The following R3HDM2 variants were observed in gnomAD, a reference collection of about 807,000 sequenced individuals.
R3HDM2 encodes R3H domain containing 2, also known as R3H domain-containing protein 2.
A neutral mutation model predicts 124.5 loss-of-function variants in R3HDM2; 38 were observed. The observed-to-expected ratio is 0.31, with a 90% CI of 0.24 to 0.40. R3HDM2 has a LOEUF of 0.40. Among genes scored for constraint, R3HDM2 ranks in the 10% least tolerant of loss-of-function variants. The pLI is 1.00. For missense variants in R3HDM2, 869 were observed against 1,236.9 expected, an observed-to-expected ratio of 0.70 and a Z score of 4.46; for synonymous variants, 391 against 448.0, an observed-to-expected ratio of 0.87 and a Z score of 1.61.
chr12:57,330,689 C>CCTT (rs1566189883), intron 2 of R3HDM2, among the ~76,000 whole-genome samples: 2 of 117,252 alleles, frequency 1.7e-5, no homozygotes, highest in Admixed American at 1.1e-4. Flanking sequence ...ATCTTTAGGG[C>CCTT]TTTTCTTTTT....
At chr12:57,357,349 C>A (rs899321632) in intron 2 of R3HDM2, among the ~76,000 whole-genome samples, 3 of 151,760 alleles carry the variant, frequency 2.0e-5, no homozygotes, top group South Asian at 2.1e-4. Flanking sequence ...GTAGTCCCAG[C>A]TACTTGGAAG....
chr12:57,304,417 T>C (rs1157926671), intron 3 of R3HDM2: 1 of 767,628 alleles, frequency 1.3e-6, no homozygotes, highest in African/African-American at 1.9e-5. Flanking sequence ...CAATGGGGCG[T>C]AGAGGGAACT....
chr12:57,361,142 G>A (rs984538079), intron 2 of R3HDM2, among the ~76,000 whole-genome samples: 1 of 150,788 alleles, frequency 6.6e-6, no homozygotes, highest in Non-Finnish European at 1.5e-5. Context: ...TTGGGAGGCC[G>A]AAGTGGGCAG....
intron 19 of R3HDM2, among the ~76,000 whole-genome samples, chr12:57,265,664 A>G (rs962720692): frequency 1.3e-5 from 2 of 152,150 alleles, no homozygotes; most frequent in African/African-American, 4.8e-5. Context: ...CCCACTCCCT[A>G]TCTGGGTCCA....
rs559043957 is a variant in R3HDM2, at chr12:57,336,084, G to GT, written c.-35-25622dup. Among the ~76,000 whole-genome samples the GT allele has an allele frequency of 2.8e-3, 387 of 140,444 alleles. 2 individuals carry two copies. The highest frequency in any genetic ancestry group is 7.6e-3 in the Middle Eastern group (2 of 264). 92.1% of individuals were successfully genotyped at this position (140,444 alleles called of 152,430 possible). On this transcript the variant is annotated intron_variant, in intron 2 of 23. Transcript: ENST00000402412. ...AGTATCTAATGGTATCTCATTGTGG[G>GT]TTTTTTTTTTTTAATTTCATACCTC...
rs1174066900 is a variant in R3HDM2, at chr12:57,259,064, A to G, written c.2132-5T>C. The G allele has an allele frequency of 5.6e-6, 9 of 1,606,670 alleles. No homozygotes were observed. Among genetic ancestry groups the G allele is most frequent in the Non-Finnish European group, 7.6e-6 (9 of 1,177,240 alleles). On this transcript the variant is annotated splice_region_variant and splice_polypyrimidine_tract_variant and intron_variant, in intron 19 of 23. Coordinates refer to ENST00000402412, the MANE Select transcript of R3HDM2 (RefSeq NM_001394031.1). ...CTGGTCCAGAAGGTGACACTCCTGAAGGGCAGGAAGAAAGCAGTTGGTTAC... is the reference window on the plus strand; with the variant it reads ...CTGGTCCAGAAGGTGACACTCCTGAGGGGCAGGAAGAAAGCAGTTGGTTAC...
At chr12:57,393,077 T>TA (rs985686230) in intron 2 of R3HDM2, among the ~76,000 whole-genome samples, 1 of 150,538 alleles carries the variant, frequency 6.6e-6, no homozygotes, top group Non-Finnish European at 1.5e-5. Context: ...GTGCTGGGAT[T>TA]ACAGGCGTCA....
chr12:57,417,805 A>C (rs2069794275), intron 1 of R3HDM2, among the ~76,000 whole-genome samples: 3 of 152,096 alleles, frequency 2.0e-5, no homozygotes, highest in African/African-American at 7.2e-5. Flanking sequence ...CCTTCCTCAA[A>C]ATATTACTGG....
intron 2 of R3HDM2, among the ~76,000 whole-genome samples, chr12:57,379,147 T>C (rs1464478066): frequency 2.0e-5 from 3 of 152,182 alleles, no homozygotes; most frequent in Admixed American, 6.6e-5. Flanking sequence ...TGGAGAAGGA[T>C]TGGTGGTGAT....
intron 2 of R3HDM2, among the ~76,000 whole-genome samples, chr12:57,311,296 G>A (rs1223033926): frequency 6.6e-6 from 1 of 151,976 alleles, no homozygotes; most frequent in Non-Finnish European, 1.5e-5. Context: ...CATGATCTCG[G>A]CTCACTGTAA....
intron 2 of R3HDM2, among the ~76,000 whole-genome samples, chr12:57,372,147 G>A (rs913490304): frequency 1.3e-5 from 2 of 152,308 alleles, no homozygotes; most frequent in South Asian, 2.1e-4. Flanking sequence ...GATTACAGGT[G>A]TGAGCCACTG....
intron 2 of R3HDM2, among the ~76,000 whole-genome samples, chr12:57,361,740 AAG>A (rs1374358579): frequency 6.6e-6 from 1 of 152,176 alleles, no homozygotes; most frequent in East Asian, 1.9e-4. Context: ...ATTCAAGAAA[AAG>A]AGGTCATCAT....
chr12:57,304,878 G>GT (rs1433703129), intron 3 of R3HDM2, among the ~76,000 whole-genome samples: 2 of 152,168 alleles, frequency 1.3e-5, no homozygotes, highest in East Asian at 1.9e-4. Flanking sequence ...GTATACAAAG[G>GT]TTTTTTTAAA....
At chr12:57,304,549 G>A (rs755909291) in intron 3 of R3HDM2, 4 of 976,458 alleles carry the variant, frequency 4.1e-6, no homozygotes, top group Non-Finnish European at 4.9e-6. Flanking sequence ...CGGCCACAAT[G>A]CAAAATGGAG....
At chr12:57,396,707 G>A (rs2138863112) in intron 1 of R3HDM2, among the ~76,000 whole-genome samples, 1 of 149,288 alleles carries the variant, frequency 6.7e-6, no homozygotes, top group East Asian at 2.0e-4. Context: ...GAACCCAGGA[G>A]GCAGAGGGTG....
At chr12:57,328,644 T>A (rs1399069134) in intron 2 of R3HDM2, among the ~76,000 whole-genome samples, 1 of 152,156 alleles carries the variant, frequency 6.6e-6, no homozygotes. Flanking sequence ...CCTTAAGTTA[T>A]CCTCCCATCT....
chr12:57,305,890 C>T (rs2052469821), intron 3 of R3HDM2, among the ~76,000 whole-genome samples: 1 of 152,206 alleles, frequency 6.6e-6, no homozygotes, highest in African/African-American at 2.4e-5. Context: ...CCTCGTAGTA[C>T]TTATAGTTCT....
chr12:57,272,565 G>C (rs761417720), intron 14 of R3HDM2: 1 of 1,253,312 alleles, frequency 8.0e-7, no homozygotes, highest in South Asian at 1.4e-5. Context: ...CTGTGGGCCA[G>C]CAGAGAGGCA....
At chr12:57,355,592 G>A (rs2061196648) in intron 2 of R3HDM2, among the ~76,000 whole-genome samples, 1 of 151,780 alleles carries the variant, frequency 6.6e-6, no homozygotes, top group South Asian at 2.1e-4. Context: ...TTTAATTAAT[G>A]AACTTTTTAT....
Sources: gnomAD v4.1 joint callset for allele counts (sites outside exome capture counted in the v4.1 genomes callset) on GRCh38, gnomAD v4.1.1 for gene constraint, MANE v1.5 for transcripts, NCBI Gene and HGNC (gene_info 2026-07-23, HGNC 2026-07-21) for gene names.